The following PPM1L variants were observed in gnomAD, a reference collection of about 807,000 sequenced individuals.
PPM1L encodes protein phosphatase, Mg2+/Mn2+ dependent 1L, also known as protein phosphatase 1L.
PPM1L carries 13 observed loss-of-function variants against 31.4 expected under a neutral mutation model. That is an observed-to-expected ratio of 0.41 (90% CI 0.27 to 0.66). The LOEUF is 0.66. Ranked by LOEUF, PPM1L falls within the 30% of genes least tolerant of loss-of-function variation. The pLI, the probability that PPM1L is intolerant of heterozygous loss-of-function variation, is 0.29. For synonymous variants in PPM1L, 184 were observed against 175.4 expected (o/e 1.05, Z -0.39); for missense variants, 326 against 453.7 (o/e 0.72, Z 2.56).
rs1720183176 is a variant in PPM1L, at chr3:161,078,605, T to C, written c.*9448T>C. On this transcript the variant is annotated 3_prime_UTR_variant, in exon 4 of 4. Coordinates refer to ENST00000498165, the MANE Select transcript of PPM1L (RefSeq NM_139245.4). ...CATTACTCTTGGAAGTCTTCAGAGGTTATTATACCTACTGATCTGTATTTG... is the reference window on the plus strand; with the variant it reads ...CATTACTCTTGGAAGTCTTCAGAGGCTATTATACCTACTGATCTGTATTTG... 6.6e-6 allele frequency: 1 copy of C among 152,212 alleles called. No individual in the cohort carries two copies. The highest frequency in any genetic ancestry group is 1.5e-5 in the Non-Finnish European group (1 of 68,038). The allele number at this position is 152,212 out of a possible 1,614,324, so 9.4% of individuals were successfully genotyped here. A position where few individuals can be genotyped will look rare whatever the true frequency, so the allele number is the denominator to read the frequency against.
chr3:160,942,260 T>C (rs1455205823), intron 1 of PPM1L, among the ~76,000 whole-genome samples: 3 of 152,146 alleles, frequency 2.0e-5, no homozygotes, highest in Non-Finnish European at 4.4e-5. Context: ...TACATTGGTT[T>C]CTTATTTTTA....
intron 2 of PPM1L, among the ~76,000 whole-genome samples, chr3:161,008,290 A>C (rs1201860590): frequency 2.0e-5 from 3 of 152,250 alleles, no homozygotes; most frequent in African/African-American, 7.2e-5. Flanking sequence ...GGAATGCTGC[A>C]CAGAGCGGCC....
chr3:160,773,993 G>C (rs534472806), intron 1 of PPM1L, among the ~76,000 whole-genome samples: 4 of 152,032 alleles, frequency 2.6e-5, no homozygotes, highest in Non-Finnish European at 4.4e-5. Flanking sequence ...AGAATCTTTG[G>C]AGCTTCTATG....
At chr3:160,885,228 C>CT (rs1334897932) in intron 1 of PPM1L, among the ~76,000 whole-genome samples, 2 of 152,076 alleles carry the variant, frequency 1.3e-5, no homozygotes, top group African/African-American at 4.8e-5. Flanking sequence ...TAATTGCTTA[C>CT]TTTTTTTTGG....
intron 1 of PPM1L, among the ~76,000 whole-genome samples, chr3:160,916,800 G>A (rs892888415): frequency 1.3e-5 from 2 of 151,918 alleles, no homozygotes; most frequent in East Asian, 1.9e-4. Flanking sequence ...GGTTGAATAC[G>A]TGCATGATTA....
At chr3:161,004,806 A>G (rs1250016736) in intron 2 of PPM1L, among the ~76,000 whole-genome samples, 1 of 151,604 alleles carries the variant, frequency 6.6e-6, no homozygotes, top group Non-Finnish European at 1.5e-5. Context: ...TGGATTCATT[A>G]ATTTTTTGAA....
At chr3:160,949,445 T>C (rs566145011) in intron 1 of PPM1L, among the ~76,000 whole-genome samples, 63 of 152,206 alleles carry the variant, frequency 4.1e-4, no homozygotes, top group African/African-American at 1.5e-3. Flanking sequence ...TCCTGTGGTA[T>C]AAAATAAGGT....
At chr3:161,066,490 G>A (rs1719744537) in intron 3 of PPM1L, among the ~76,000 whole-genome samples, 1 of 152,228 alleles carries the variant, frequency 6.6e-6, no homozygotes, top group Non-Finnish European at 1.5e-5. Flanking sequence ...GCAGTTTTAA[G>A]TAGTGTGGCC....
rs567398017 is a variant in PPM1L, at chr3:160,972,720, T to C, written c.574+10810T>C. Among the ~76,000 whole-genome samples, 143 of 152,248 alleles carry C rather than the reference T, an allele frequency of 9.4e-4. 2 individuals are homozygous for C. The highest frequency in any genetic ancestry group is 9.3e-3 in the Admixed American group (143 of 15,296). ...AATCCTTTGGGTATATACCCAGTAA[T>C]GGGATGGCTGGGTCAAATGGTATTT... On this transcript the variant is annotated intron_variant, in intron 2 of 3. Coordinates refer to ENST00000498165, the MANE Select transcript of PPM1L (RefSeq NM_139245.4).
chr3:160,838,450 G>A (rs1409111846), intron 1 of PPM1L, among the ~76,000 whole-genome samples: 4 of 152,126 alleles, frequency 2.6e-5, no homozygotes, highest in African/African-American at 9.7e-5. Context: ...AGGAAAATCT[G>A]TATTGAATTT....
chr3:160,761,365 G>A (rs938576916), intron 1 of PPM1L, among the ~76,000 whole-genome samples: 11 of 152,176 alleles, frequency 7.2e-5, no homozygotes, highest in African/African-American at 2.7e-4. Context: ...TGGAGGAATA[G>A]TCTCCTTAGC....
intron 1 of PPM1L, among the ~76,000 whole-genome samples, chr3:160,844,474 G>A (rs773152162): frequency 3.3e-5 from 5 of 152,140 alleles, no homozygotes; most frequent in Non-Finnish European, 5.9e-5. Context: ...GGTAAAAATA[G>A]ATAATTTAGC....
rs76558398 is a variant in PPM1L, at chr3:160,899,245, C to T, written c.400-62491C>T. On this transcript the variant is annotated intron_variant, in intron 1 of 3. Coordinates refer to ENST00000498165, the MANE Select transcript of PPM1L (RefSeq NM_139245.4). The stretch of plus-strand genomic sequence containing the variant: ...AACCTATGCTCTTACGATTAGAGAA[C>T]AGTGACTTTAACAGTGCTGTGCCCT... Among the ~76,000 whole-genome samples, 272 of 152,212 alleles carry T rather than the reference C, an allele frequency of 1.8e-3. 1 individual carries two copies. The East Asian group carries it at 0.018, about 10-fold the overall frequency.
intron 2 of PPM1L, among the ~76,000 whole-genome samples, chr3:161,026,754 A>G (rs932458518): frequency 1.3e-5 from 2 of 152,062 alleles, no homozygotes; most frequent in African/African-American, 4.8e-5. Flanking sequence ...TGTCTTGTGC[A>G]GGGGAAAATG....
At chr3:160,816,587 G>A (rs1713001644) in intron 1 of PPM1L, among the ~76,000 whole-genome samples, 1 of 151,440 alleles carries the variant, frequency 6.6e-6, no homozygotes, top group Non-Finnish European at 1.5e-5. Context: ...GAAGACATTA[G>A]CCAACAGAGT....
rs566060831 is a variant in PPM1L, at chr3:160,802,967, C to T, written c.399+46260C>T. On this transcript the variant is annotated intron_variant, in intron 1 of 3. Transcript: ENST00000498165. ...TGGACTCTATTAAGATAGAGATTGG[C>T]GAAATTCCCTTCATGGATTAACTTC... Among the ~76,000 whole-genome samples the T allele has an allele frequency of 2.4e-4, 37 of 152,224 alleles. No individual in the cohort carries two copies. In the South Asian group the frequency reaches 5.8e-3, roughly 24 times the overall value.
rs533073172 is a variant in PPM1L at position 160,961,141 on chromosome 3, T to TTTTG, written c.400-567_400-564dup. ...GCATTTAAGTGGTGAAGAGGTTTGG[T>TTTTG]TTTGTTTGTTTGTTTGTTTGTTTGT... On this transcript the variant is annotated intron_variant, in intron 1 of 3. Transcript: ENST00000498165. Among the ~76,000 whole-genome samples the TTTTG allele has an allele frequency of 8.8e-3, 1,330 of 151,990 alleles. 15 individuals are homozygous for TTTTG. The highest frequency in any genetic ancestry group is 0.024 in the African/African-American group (1,010 of 41,470).
chr3:160,770,517 C>T (rs1380865310), intron 1 of PPM1L, among the ~76,000 whole-genome samples: 1 of 152,054 alleles, frequency 6.6e-6, no homozygotes, highest in East Asian at 1.9e-4. Flanking sequence ...TAGACTAGAA[C>T]TTATATAGAT....
At chr3:161,011,833 T>C (rs1437548389) in intron 2 of PPM1L, among the ~76,000 whole-genome samples, 1 of 152,208 alleles carries the variant, frequency 6.6e-6, no homozygotes, top group African/African-American at 2.4e-5. Context: ...GTTGTTGGTG[T>C]ATAAGAAGGC....
Sources: gnomAD v4.1 joint callset for allele counts (sites outside exome capture counted in the v4.1 genomes callset) on GRCh38, gnomAD v4.1.1 for gene constraint, MANE v1.5 for transcripts, NCBI Gene and HGNC (gene_info 2026-07-23, HGNC 2026-07-21) for gene names.